Variants in RBKS observed in about 807,000 individuals in gnomAD.
RBKS encodes ribokinase.
A neutral mutation model predicts 33.9 loss-of-function variants in RBKS; 33 were observed. That is an observed-to-expected ratio of 0.97 (90% CI 0.74 to 1.30). RBKS has a LOEUF of 1.30. RBKS is among the 50% of genes most tolerant of loss of function. The pLI, the probability that RBKS is intolerant of heterozygous loss-of-function variation, is 0.00. For missense variants in RBKS, 361 were observed against 392.6 expected, an observed-to-expected ratio of 0.92 and a Z score of 0.68; for synonymous variants, 125 against 143.0, an observed-to-expected ratio of 0.87 and a Z score of 0.90.
At chr2:27,861,345 A>G (rs1315102944) in intron 1 of RBKS, 4 of 402,920 alleles carry the variant, frequency 9.9e-6, no homozygotes, top group African/African-American at 2.1e-5. Flanking sequence ...GGTGTTGATT[A>G]GGGAAGCAGG....
chr2:27,816,603 GTGTTTTTT>G (rs371096987), intron 7 of RBKS, among the ~76,000 whole-genome samples: 4,738 of 151,394 alleles, frequency 0.031, 238 homozygotes, highest in African/African-American at 0.11. Context: ...CTAAGGATAT[GTGTTTTTT>G]TGTTTTTTTG....
chr2:27,884,959 C>G (rs1430117235), intron 1 of RBKS, among the ~76,000 whole-genome samples: 2 of 152,166 alleles, frequency 1.3e-5, no homozygotes, highest in Admixed American at 1.3e-4. Context: ...AGCCTCATGG[C>G]TTTAAATACC....
intron 1 of RBKS, among the ~76,000 whole-genome samples, chr2:27,889,304 G>A (rs1202125924): frequency 6.6e-6 from 1 of 152,108 alleles, no homozygotes; most frequent in Non-Finnish European, 1.5e-5. Flanking sequence ...TTAGTTCCAC[G>A]TTCTCTATTA....
At chr2:27,881,810 C>A (rs1391898417) in intron 1 of RBKS, among the ~76,000 whole-genome samples, 2 of 152,064 alleles carry the variant, frequency 1.3e-5, no homozygotes, top group Non-Finnish European at 2.9e-5. Flanking sequence ...TAAAAACAAG[C>A]AATGGAGAAA....
chr2:27,790,527 A>C (rs909529536), intron 7 of RBKS, among the ~76,000 whole-genome samples: 1 of 152,236 alleles, frequency 6.6e-6, no homozygotes, highest in Non-Finnish European at 1.5e-5. Flanking sequence ...ATATTTGCAA[A>C]ACATGTATCT....
At chr2:27,808,822 T>C (rs1677938717) in intron 7 of RBKS, among the ~76,000 whole-genome samples, 1 of 152,218 alleles carries the variant, frequency 6.6e-6, no homozygotes, top group South Asian at 2.1e-4. Flanking sequence ...TGCCTGATCC[T>C]TTCCCTTTTC....
At chr2:27,799,776 G>A (rs116596100) in intron 7 of RBKS, among the ~76,000 whole-genome samples, 1 of 152,212 alleles carries the variant, frequency 6.6e-6, no homozygotes. Context: ...AAGGGAGAGT[G>A]TTTCAAGGAG....
intron 1 of RBKS, among the ~76,000 whole-genome samples, chr2:27,874,461 A>T (rs1558557216): frequency 3.3e-5 from 5 of 152,220 alleles, no homozygotes; most frequent in Admixed American, 2.6e-4. Context: ...AACTCACATC[A>T]TTCAAGAACT....
chr2:27,819,189 G>A (rs1231303665), intron 7 of RBKS, among the ~76,000 whole-genome samples: 6 of 152,024 alleles, frequency 3.9e-5, no homozygotes, highest in African/African-American at 1.5e-4. Context: ...CAAGATCAAG[G>A]TACTGGCAAA....
intron 7 of RBKS, among the ~76,000 whole-genome samples, chr2:27,806,448 C>T (rs932339679): frequency 2.6e-5 from 4 of 152,298 alleles, no homozygotes; most frequent in African/African-American, 9.6e-5. Context: ...TTCCACAGCA[C>T]TTTCTGGTTT....
intron 1 of RBKS, among the ~76,000 whole-genome samples, chr2:27,877,285 G>GTT (rs996070077): frequency 1.4e-5 from 2 of 145,914 alleles, no homozygotes; most frequent in African/African-American, 5.0e-5. Flanking sequence ...GCTTTGTGTA[G>GTT]TTTTTTTTTT....
At chr2:27,889,970 G>C (rs1212642918) in intron 1 of RBKS, 1 of 333,964 alleles carries the variant, frequency 3.0e-6, no homozygotes, top group Non-Finnish European at 5.5e-6. Context: ...AAGGTCTTTG[G>C]GGGCGCAAGT....
chr2:27,804,689 T>G (rs1031689273), intron 7 of RBKS, among the ~76,000 whole-genome samples: 1 of 152,122 alleles, frequency 6.6e-6, no homozygotes, highest in African/African-American at 2.4e-5. Context: ...TGGCCAGAAG[T>G]GTTCATTAAA....
At chr2:27,867,138 C>A (rs1280654773) in intron 1 of RBKS, among the ~76,000 whole-genome samples, 1 of 151,646 alleles carries the variant, frequency 6.6e-6, no homozygotes, top group African/African-American at 2.4e-5. Context: ...CTAATTCCAC[C>A]ATCCCTGTTT....
chr2:27,862,689 G>A (rs897215066), intron 1 of RBKS, among the ~76,000 whole-genome samples: 4 of 152,186 alleles, frequency 2.6e-5, no homozygotes, highest in African/African-American at 9.7e-5. Flanking sequence ...TGACTCGGGG[G>A]TTATAGTGCT....
At chr2:27,870,745 G>A (rs1203233656) in intron 1 of RBKS, 3 of 460,098 alleles carry the variant, frequency 6.5e-6, no homozygotes, top group African/African-American at 2.0e-5. Context: ...TCCAGCCATG[G>A]CAGCCACTCT....
intron 1 of RBKS, among the ~76,000 whole-genome samples, chr2:27,867,963 CAAGAA>C (rs1205397295): frequency 6.6e-6 from 1 of 152,108 alleles, no homozygotes; most frequent in African/African-American, 2.4e-5. Flanking sequence ...TCACTGAAGA[CAAGAA>C]AAGTATGCAT....
chr2:27,817,259 ATGTT>A (rs939336027), intron 7 of RBKS, among the ~76,000 whole-genome samples: 2 of 152,230 alleles, frequency 1.3e-5, no homozygotes, highest in African/African-American at 4.8e-5. Context: ...TGGTTTGTGA[ATGTT>A]AAAAAAGAAG....
At chr2:27,824,711 T>C (rs985464138) in intron 7 of RBKS, among the ~76,000 whole-genome samples, 3 of 152,248 alleles carry the variant, frequency 2.0e-5, no homozygotes, top group African/African-American at 7.2e-5. Flanking sequence ...TGGACACATG[T>C]AAGGCTTAAG....
Sources: gnomAD v4.1 joint callset for allele counts (sites outside exome capture counted in the v4.1 genomes callset) on GRCh38, gnomAD v4.1.1 for gene constraint, MANE v1.5 for transcripts, NCBI Gene and HGNC (gene_info 2026-07-23, HGNC 2026-07-21) for gene names.